DPYD: variants seen among roughly 807,000 people sequenced by gnomAD.
DPYD encodes the protein dihydropyrimidine dehydrogenase.
Under a neutral mutation model 116.2 loss-of-function variants are expected in DPYD, and 109 were observed. The observed-to-expected ratio is 0.94, with a 90% CI of 0.80 to 1.10. The LOEUF is 1.10. Among genes scored for constraint, DPYD ranks in the 50% least tolerant of loss-of-function variants. The pLI, the probability that DPYD is intolerant of heterozygous loss-of-function variation, is 0.00. For synonymous variants in DPYD, 440 were observed against 432.0 expected (o/e 1.02, Z -0.23); for missense variants, 1,302 against 1,254.5 (o/e 1.04, Z -0.57).
chr1:97,303,457 C>G (rs774131044), intron 18 of DPYD, among the ~76,000 whole-genome samples: 10 of 151,978 alleles, frequency 6.6e-5, no homozygotes, highest in Non-Finnish European at 1.2e-4. Context: ...TGATACAACT[C>G]TCGTAAAATT....
At chr1:97,821,329 C>CT (rs1165314240) in intron 3 of DPYD, among the ~76,000 whole-genome samples, 1 of 63,084 alleles carries the variant, frequency 1.6e-5, no homozygotes, top group Non-Finnish European at 3.1e-5. Context: ...GAAACTCCAC[C>CT]TCAAAAAAAA....
intron 19 of DPYD, among the ~76,000 whole-genome samples, chr1:97,220,538 T>C (rs1042234269): frequency 1.3e-5 from 2 of 152,184 alleles, no homozygotes; most frequent in African/African-American, 2.4e-5. Flanking sequence ...TGTCTGAGAA[T>C]ATCCTTGTAT....
At chr1:97,497,744 G>A (rs571060595) in intron 13 of DPYD, among the ~76,000 whole-genome samples, 1 of 151,810 alleles carries the variant, frequency 6.6e-6, no homozygotes, top group South Asian at 2.1e-4. Context: ...ATGTAAATTG[G>A]GGTAGCTGCT....
chr1:97,260,771 G>A (rs1192163111), intron 18 of DPYD, among the ~76,000 whole-genome samples: 2 of 152,036 alleles, frequency 1.3e-5, no homozygotes, highest in Admixed American at 6.6e-5. Flanking sequence ...TAACCTAAAT[G>A]GAGTTATATT....
chr1:97,227,607 A>T (rs896368818), intron 19 of DPYD, among the ~76,000 whole-genome samples: 5 of 146,982 alleles, frequency 3.4e-5, no homozygotes, highest in Non-Finnish European at 5.9e-5. Context: ...ACATTATACT[A>T]AAATATATTA....
intron 13 of DPYD, among the ~76,000 whole-genome samples, chr1:97,468,867 A>T (rs1419287313): frequency 2.0e-5 from 3 of 152,170 alleles, no homozygotes; most frequent in African/African-American, 7.2e-5. Context: ...TAAGGTTAGG[A>T]GGGCATAAGT....
At chr1:97,764,752 T>C (rs1374585260) in intron 3 of DPYD, among the ~76,000 whole-genome samples, 1 of 152,128 alleles carries the variant, frequency 6.6e-6, no homozygotes, top group African/African-American at 2.4e-5. Flanking sequence ...ATATTTTACG[T>C]ACCATATTTG....
chr1:97,828,622 T>A (rs1281344535), intron 2 of DPYD, among the ~76,000 whole-genome samples: 1 of 152,028 alleles, frequency 6.6e-6, no homozygotes. Context: ...AAATACCAAG[T>A]TCTAAATAAG....
chr1:97,586,025 G>T (rs1654071603), intron 10 of DPYD: 2 of 222,888 alleles, frequency 9.0e-6, no homozygotes, highest in Non-Finnish European at 1.8e-5. Flanking sequence ...GGATGATGAA[G>T]TTCAGGTTGT....
intron 20 of DPYD, among the ~76,000 whole-genome samples, chr1:97,129,151 A>G (rs1431373586): frequency 6.7e-6 from 1 of 148,154 alleles, no homozygotes; most frequent in Non-Finnish European, 1.5e-5. Context: ...TGCAACCTCC[A>G]CCTCCCAGTT....
chr1:97,564,934 A>G (rs903918937), intron 11 of DPYD, among the ~76,000 whole-genome samples: 2 of 152,140 alleles, frequency 1.3e-5, no homozygotes, highest in African/African-American at 2.4e-5. Flanking sequence ...AATCATTTGT[A>G]TAACAGTCAG....
intron 16 of DPYD, among the ~76,000 whole-genome samples, chr1:97,310,648 AGT>A (rs1558018414): frequency 6.6e-6 from 1 of 151,740 alleles, no homozygotes; most frequent in Non-Finnish European, 1.5e-5. Flanking sequence ...TTCTGACTTA[AGT>A]ATTCTAAAGG....
intron 16 of DPYD, among the ~76,000 whole-genome samples, chr1:97,323,701 C>T (rs1003332906): frequency 1.4e-5 from 2 of 141,300 alleles, no homozygotes; most frequent in East Asian, 2.1e-4. Flanking sequence ...TATATATACA[C>T]GTATATATAT....
At chr1:97,097,832 A>G (rs1650375834) in intron 21 of DPYD, among the ~76,000 whole-genome samples, 1 of 152,166 alleles carries the variant, frequency 6.6e-6, no homozygotes, top group African/African-American at 2.4e-5. Context: ...TTATCATACT[A>G]TAGTTTTGCA....
Position 97,098,452 on chromosome 1 carries a change from A to G in DPYD, c.2766+37T>C, listed in dbSNP as rs199712715. On this transcript the variant is annotated intron_variant, in intron 21 of 22. Transcript: ENST00000370192. ...AACTATATTTGTATATTTAACCAGTAAAGTAGGCATACTTATATAGTTGGC... is the reference window on the plus strand; with the variant it reads ...AACTATATTTGTATATTTAACCAGTGAAGTAGGCATACTTATATAGTTGGC... 2.6e-4 allele frequency: 418 copies of G among 1,599,566 alleles called. 1 individual carries two copies. In the African/African-American group the frequency reaches 5.3e-3, roughly 20 times the overall value.
intron 3 of DPYD, among the ~76,000 whole-genome samples, chr1:97,827,270 G>A (rs1038890874): frequency 3.3e-5 from 5 of 151,948 alleles, no homozygotes; most frequent in Admixed American, 1.3e-4. Flanking sequence ...AGAAGAAGGC[G>A]TATTTTAAAA....
At chr1:97,600,315 G>T (rs906593676) in intron 8 of DPYD, among the ~76,000 whole-genome samples, 3 of 152,126 alleles carry the variant, frequency 2.0e-5, no homozygotes, top group Non-Finnish European at 4.4e-5. Context: ...ATTTTCTAAT[G>T]CTGGCTTGGG....
intron 1 of DPYD, 75 bp downstream of exon 1, chr1:97,920,809 G>A: frequency 1.3e-6 from 2 of 1,538,814 alleles, no homozygotes; most frequent in Non-Finnish European, 1.8e-6. Flanking sequence ...GGGCCGCGGG[G>A]GCCTCCCCGG....
In DPYD at chr1:97,195,677, T is replaced by C. The variant is rs1360789339; in HGVS notation, c.2443-2429A>G. On this transcript the variant is annotated intron_variant, in intron 19 of 22. Coordinates refer to ENST00000370192, the MANE Select transcript of DPYD (RefSeq NM_000110.4). ...ATATATATATATATATATATATATA[T>C]ATATATATATATGCCTAGGAGTTCT... is the stretch of plus-strand genomic sequence containing the variant. 1.8e-4 allele frequency among the ~76,000 whole-genome samples: 13 copies of C among 72,546 alleles called. 1 individual carries two copies. The highest frequency in any genetic ancestry group is 1.6e-4 in the Non-Finnish European group (6 of 37,986). The allele number at this position is 72,546 out of a possible 152,430, so 47.6% of individuals were successfully genotyped here. A position where few individuals can be genotyped will look rare whatever the true frequency, so the allele number is the denominator to read the frequency against.
Sources: gnomAD v4.1 joint callset for allele counts (sites outside exome capture counted in the v4.1 genomes callset) on GRCh38, gnomAD v4.1.1 for gene constraint, MANE v1.5 for transcripts, NCBI Gene and HGNC (gene_info 2026-07-23, HGNC 2026-07-21) for gene names.